ZNF609: variants seen among roughly 807,000 people sequenced by gnomAD.
ZNF609 encodes the protein zinc finger protein 609.
ZNF609 carries 11 observed loss-of-function variants against 109.5 expected under a neutral mutation model. The observed-to-expected ratio is 0.10, with a 90% CI of 0.06 to 0.17. The LOEUF is 0.17. ZNF609 is among the 10% of genes least tolerant of loss of function. The pLI, the probability that ZNF609 is intolerant of heterozygous loss-of-function variation, is 1.00. For missense variants in ZNF609, 1,559 were observed against 1,772.4 expected (o/e 0.88, Z 2.16); for synonymous variants, 646 against 662.0 (o/e 0.98, Z 0.37).
chr15:64,619,416 A>C (rs147571860), intron 2 of ZNF609, among the ~76,000 whole-genome samples: 1 of 152,364 alleles, frequency 6.6e-6, no homozygotes, highest in East Asian at 1.9e-4. Context: ...TGAATATCAC[A>C]GAGCTTATTA....
At chr15:64,656,639 G>C (rs557859795) in intron 3 of ZNF609, among the ~76,000 whole-genome samples, 20 of 152,084 alleles carry the variant, frequency 1.3e-4, no homozygotes, top group South Asian at 2.1e-4. Flanking sequence ...ATATGGTTTT[G>C]GGTTTTTAAG....
intron 1 of ZNF609, among the ~76,000 whole-genome samples, chr15:64,475,753 C>T (rs530062507): frequency 6.6e-5 from 10 of 152,238 alleles, no homozygotes; most frequent in South Asian, 2.1e-4. Flanking sequence ...ATTTTAAGCT[C>T]GTGAGATACC....
intron 1 of ZNF609, among the ~76,000 whole-genome samples, chr15:64,471,783 A>G (rs568530246): frequency 7.9e-5 from 12 of 152,112 alleles, no homozygotes; most frequent in African/African-American, 2.9e-4. Flanking sequence ...GGGTTTCTCC[A>G]TGTTGGTCTG....
At chr15:64,462,045 G>A (rs1892948957) in intron 1 of ZNF609, among the ~76,000 whole-genome samples, 2 of 152,178 alleles carry the variant, frequency 1.3e-5, no homozygotes, top group Admixed American at 6.5e-5. Context: ...CCCGCCTATT[G>A]TGTACACAGT....
intron 1 of ZNF609, among the ~76,000 whole-genome samples, chr15:64,475,383 A>C (rs1444679931): frequency 1.4e-5 from 2 of 138,462 alleles, no homozygotes; most frequent in Admixed American, 1.6e-4. Context: ...GTACTTTATC[A>C]CATGTTGTCT....
intron 1 of ZNF609, among the ~76,000 whole-genome samples, chr15:64,473,309 C>G (rs1893119463): frequency 6.7e-6 from 1 of 149,626 alleles, no homozygotes; most frequent in East Asian, 2.0e-4. Context: ...AGCGATTCTC[C>G]TGCCTCAGCC....
At chr15:64,656,629 A>C (rs1339587670) in intron 3 of ZNF609, among the ~76,000 whole-genome samples, 1 of 152,014 alleles carries the variant, frequency 6.6e-6, no homozygotes, top group African/African-American at 2.4e-5. Context: ...GTAGTGCAGC[A>C]TATGGTTTTG....
At chr15:64,485,779 AAACAGCAAGACTGTCT>A (rs1253629102) in intron 1 of ZNF609, among the ~76,000 whole-genome samples, 1 of 152,160 alleles carries the variant, frequency 6.6e-6, no homozygotes, top group African/African-American at 2.4e-5. Flanking sequence ...TAGCCTGGCA[AAACAGCAAGACTGTCT>A]CAAAAAATAG....
At position 64,617,925 on chromosome 15, in the gene ZNF609, A is replaced by G. The variant is rs967317205; in HGVS notation, c.748-4902A>G. On this transcript the variant is annotated intron_variant, in intron 2 of 9. Coordinates refer to ENST00000326648, the MANE Select transcript of ZNF609 (RefSeq NM_015042.2). ...TTACCTCCCTAGTAAGCTAAGCCCT[A>G]GGAGCCATGATGGCACTTCTTAGCA... Among the ~76,000 whole-genome samples, 6 of 152,338 alleles carry G rather than the reference A, an allele frequency of 3.9e-5. No individual in the cohort carries two copies. In the East Asian group the frequency reaches 5.8e-4, roughly 15 times the overall value.
At chr15:64,526,104 C>CT (rs536172253) in intron 2 of ZNF609, among the ~76,000 whole-genome samples, 18,801 of 132,334 alleles carry the variant, frequency 0.14, 1,435 homozygotes, top group African/African-American at 0.23. Context: ...TTTTTCTTTT[C>CT]TTTTTTTTTT....
chr15:64,580,681 A>T, intron 2 of ZNF609, among the ~76,000 whole-genome samples: 1 of 151,616 alleles, frequency 6.6e-6, no homozygotes, highest in East Asian at 1.9e-4. Flanking sequence ...AACTGGGACT[A>T]CAGGCATACG....
At chr15:64,612,283 G>C (rs1895729081) in intron 2 of ZNF609, among the ~76,000 whole-genome samples, 1 of 151,680 alleles carries the variant, frequency 6.6e-6, no homozygotes, top group African/African-American at 2.4e-5. Flanking sequence ...GAGTAGCTGG[G>C]ACTACAGGTG....
chr15:64,645,875 A>G (rs533931264), intron 3 of ZNF609, among the ~76,000 whole-genome samples: 1 of 152,320 alleles, frequency 6.6e-6, no homozygotes, highest in African/African-American at 2.4e-5. Flanking sequence ...AAAAATGTGG[A>G]AAATAAAAAG....
chr15:64,637,192 G>C (rs2140987745), intron 3 of ZNF609, among the ~76,000 whole-genome samples: 1 of 152,234 alleles, frequency 6.6e-6, no homozygotes, highest in South Asian at 2.1e-4. Flanking sequence ...GTTCAACATT[G>C]TGCCAGTGAG....
At chr15:64,650,201 C>T (rs181419642) in intron 3 of ZNF609, among the ~76,000 whole-genome samples, 1 of 150,334 alleles carries the variant, frequency 6.7e-6, no homozygotes, top group East Asian at 1.9e-4. Flanking sequence ...CTCAGTAGTT[C>T]GGGACCAGCC....
chr15:64,594,016 T>G (rs932187711), intron 2 of ZNF609, among the ~76,000 whole-genome samples: 2 of 152,222 alleles, frequency 1.3e-5, no homozygotes, highest in African/African-American at 4.8e-5. Flanking sequence ...AAGGGTTTTA[T>G]GTCATGAACA....
At chr15:64,586,227 G>A (rs1895193312) in intron 2 of ZNF609, among the ~76,000 whole-genome samples, 1 of 151,910 alleles carries the variant, frequency 6.6e-6, no homozygotes, top group African/African-American at 2.4e-5. Context: ...TCGGGAGGCT[G>A]AGGCAGGAGA....
At chr15:64,466,761 T>A (rs761885685) in intron 1 of ZNF609, among the ~76,000 whole-genome samples, 7 of 152,236 alleles carry the variant, frequency 4.6e-5, no homozygotes, top group African/African-American at 1.7e-4. Flanking sequence ...AAACCACTTA[T>A]GCTTTCCTAG....
At chr15:64,528,982 A>C in intron 2 of ZNF609, 1 of 1,506,814 alleles carries the variant, frequency 6.6e-7, no homozygotes, top group Non-Finnish European at 9.1e-7. Context: ...ATGGAAGGCC[A>C]TGCCAGTGAG....
Sources: gnomAD v4.1 joint callset for allele counts (sites outside exome capture counted in the v4.1 genomes callset) on GRCh38, gnomAD v4.1.1 for gene constraint, MANE v1.5 for transcripts, NCBI Gene and HGNC (gene_info 2026-07-23, HGNC 2026-07-21) for gene names.